Variants in RGS22 observed in about 807,000 individuals in gnomAD.
The protein encoded by RGS22 is regulator of G-protein signaling 22.
RGS22 carries 148 observed loss-of-function variants against 172.9 expected under a neutral mutation model. The observed-to-expected ratio is 0.86, with a 90% CI of 0.75 to 0.98. The LOEUF (loss-of-function observed/expected upper bound fraction) is 0.98. Ranked by LOEUF, RGS22 falls within the 50% of genes least tolerant of loss-of-function variation. The pLI is 0.00. For synonymous variants in RGS22, 458 were observed against 480.2 expected (o/e 0.95, Z 0.60); for missense variants, 1,347 against 1,440.8 (o/e 0.93, Z 1.05).
chr8:100,093,617 T>G (rs568156080), intron 2 of RGS22, 108 bp from the exon 3 acceptor site: 10 of 725,528 alleles, frequency 1.4e-5, no homozygotes, highest in Non-Finnish European at 2.1e-5. Context: ...GATCTTCAAA[T>G]CTCTTTTAGT....
At chr8:99,980,279 A>G (rs758994706) in intron 22 of RGS22, among the ~76,000 whole-genome samples, 1 of 152,170 alleles carries the variant, frequency 6.6e-6, no homozygotes, top group East Asian at 1.9e-4. Flanking sequence ...TCAGATATAC[A>G]TTAAAAAAGG....
chr8:100,077,427 G>A (rs1811434974), intron 4 of RGS22, among the ~76,000 whole-genome samples: 2 of 152,102 alleles, frequency 1.3e-5, no homozygotes, highest in African/African-American at 4.8e-5. Context: ...ATTTTGATAT[G>A]TTATGCTTTA....
rs1250370717 is a variant in RGS22, at chr8:99,999,373, A to G, written c.2838T>C (p.Leu946=). The G allele has an allele frequency of 6.2e-7, 1 of 1,613,978 alleles. No individual in the cohort carries two copies. The highest frequency in any genetic ancestry group is 8.5e-7 in the Non-Finnish European group (1 of 1,179,942). ...GGWGKILHEQ[L]DAPVLVEIQK... ...GGATTTCAACTAGAACAGGTGCATC[A>G]AGCTGCTCATGAAGAATCTTCCCCC... The change falls in exon 19 of 28, where the codon CTT becomes CTC. Residue 946 remains leucine (L), a synonymous_variant. Transcript: ENST00000360863.
intron 6 of RGS22, among the ~76,000 whole-genome samples, chr8:100,070,027 C>CAAAAA (rs777398611): frequency 0.018 from 680 of 37,128 alleles, no homozygotes; most frequent in Non-Finnish European, 0.026. Flanking sequence ...GACTCTGTCT[C>CAAAAA]AAAAAAAAAA....
chr8:100,085,704 A>G (rs543126225), intron 3 of RGS22, among the ~76,000 whole-genome samples: 1 of 152,350 alleles, frequency 6.6e-6, no homozygotes, highest in East Asian at 1.9e-4. Flanking sequence ...ATATGACAAC[A>G]TACTGTAAGA....
intron 10 of RGS22, among the ~76,000 whole-genome samples, chr8:100,052,529 C>T (rs1821777537): frequency 1.3e-5 from 2 of 151,850 alleles, no homozygotes; most frequent in African/African-American, 4.8e-5. Flanking sequence ...TCTTGATCTC[C>T]TGACCTCGTG....
At chr8:100,036,734 G>A (rs184848075) in intron 14 of RGS22, among the ~76,000 whole-genome samples, 54 of 152,110 alleles carry the variant, frequency 3.6e-4, no homozygotes, top group Middle Eastern at 3.4e-3. Context: ...CAGTACCTAC[G>A]ACTACAGGTG....
Position 99,990,138 on chromosome 8 carries a change from T to C in RGS22, c.3019-2519A>G, listed in dbSNP as rs1233581670. Among the ~76,000 whole-genome samples, 4 of 152,100 alleles carry C rather than the reference T, an allele frequency of 2.6e-5. No homozygotes were observed. The East Asian group carries it at 7.7e-4, about 29-fold the overall frequency. ...CTTCTAAGGTTGAGCAGGTCAAGGA[T>C]TTCTTTAAGAATAGAGCTCCTTATT... On this transcript the variant is annotated intron_variant, in intron 20 of 27. Coordinates refer to ENST00000360863, the MANE Select transcript of RGS22 (RefSeq NM_015668.5).
chr8:100,090,211 A>G (rs1325607795), intron 3 of RGS22, among the ~76,000 whole-genome samples: 2 of 152,162 alleles, frequency 1.3e-5, no homozygotes, highest in African/African-American at 2.4e-5. Flanking sequence ...TTGTCTTCAT[A>G]GAGAAAGAAA....
chr8:100,035,595 A>T (rs183055582), intron 14 of RGS22, among the ~76,000 whole-genome samples: 36 of 152,368 alleles, frequency 2.4e-4, no homozygotes, highest in African/African-American at 8.4e-4. Flanking sequence ...TGACCCAGCG[A>T]TCCCATTACT....
At chr8:100,050,851 T>G (rs1052257994) in intron 10 of RGS22, 1 of 152,178 alleles carries the variant, frequency 6.6e-6, no homozygotes, top group African/African-American at 2.4e-5. Flanking sequence ...TTATACTTAC[T>G]CAGCAACTAT....
rs1204997670 is a variant in RGS22 at position 99,978,089 on chromosome 8, A to G, written c.3361-14T>C. 6.8e-7 allele frequency: 1 copy of G among 1,475,502 alleles called. No homozygotes were observed. The highest frequency in any genetic ancestry group is 9.0e-7 in the Non-Finnish European group (1 of 1,110,992). 91.4% of individuals were successfully genotyped at this position (1,475,502 alleles called of 1,614,324 possible). A position where few individuals can be genotyped will look rare whatever the true frequency, so the allele number is the denominator to read the frequency against. The stretch of plus-strand genomic sequence containing the variant: ...AAAAATTGTCATCTGTATAAAAAAA[A>G]GTCTAAGATTACAATTTTATACAAA... On this transcript the variant is annotated splice_polypyrimidine_tract_variant and intron_variant, in intron 22 of 27. Transcript: ENST00000360863.
At chr8:100,024,880 T>C (rs1372360986) in intron 14 of RGS22, among the ~76,000 whole-genome samples, 1 of 152,088 alleles carries the variant, frequency 6.6e-6, no homozygotes, top group Non-Finnish European at 1.5e-5. Flanking sequence ...AAATTATCCA[T>C]ATAAAGTTAT....
At chr8:100,071,204 G>C (rs1810946566) in intron 6 of RGS22, among the ~76,000 whole-genome samples, 165 bp downstream of exon 6, 1 of 152,098 alleles carries the variant, frequency 6.6e-6, no homozygotes, top group Admixed American at 6.5e-5. Flanking sequence ...GGGAGGATCA[G>C]CTGAGCCCGG....
At chr8:99,970,575 C>T (rs1811229292) in intron 23 of RGS22, among the ~76,000 whole-genome samples, 1 of 152,148 alleles carries the variant, frequency 6.6e-6, no homozygotes, top group Admixed American at 6.5e-5. Context: ...GAAATACAAA[C>T]TACCATCAGA....
At chr8:99,970,948 C>A (rs1487906024) in intron 23 of RGS22, among the ~76,000 whole-genome samples, 1 of 152,182 alleles carries the variant, frequency 6.6e-6, no homozygotes, top group Non-Finnish European at 1.5e-5. Context: ...AGGCCAATAT[C>A]CCTGATGAAC....
chr8:100,044,744 TCATGATCATCTCATC>T (rs1329194247), intron 11 of RGS22, among the ~76,000 whole-genome samples: 2 of 151,922 alleles, frequency 1.3e-5, no homozygotes, highest in African/African-American at 4.8e-5. Context: ...CTTCTCTCTC[TCATGATCATCTCATC>T]CATGCCCACA....
intron 14 of RGS22, among the ~76,000 whole-genome samples, chr8:100,013,776 C>G (rs756387491): frequency 6.6e-6 from 1 of 152,140 alleles, no homozygotes; most frequent in Non-Finnish European, 1.5e-5. Flanking sequence ...TTCTCGTCCT[C>G]TAAATAAATC....
Position 99,996,457 on chromosome 8 carries a change from C to T in RGS22, c.3018+5G>A. ...AAGAGGAAGAATATAACAAACATTA[C>T]TTGCCTTCCAGACCCCGATTTTCTT... is the stretch of plus-strand genomic sequence containing the variant. On this transcript the variant is annotated splice_donor_5th_base_variant and intron_variant, in intron 20 of 27. Transcript: ENST00000360863. The T allele has an allele frequency of 6.2e-7, 1 of 1,609,774 alleles. No individual in the cohort carries two copies. Among genetic ancestry groups the T allele is most frequent in the Non-Finnish European group, 8.5e-7 (1 of 1,176,344 alleles).
Sources: gnomAD v4.1 joint callset for allele counts (sites outside exome capture counted in the v4.1 genomes callset) on GRCh38, gnomAD v4.1.1 for gene constraint, MANE v1.5 for transcripts, NCBI Gene and HGNC (gene_info 2026-07-23, HGNC 2026-07-21) for gene names.